SP100: variants seen among roughly 807,000 people sequenced by gnomAD.
SP100 encodes the protein SP100 nuclear body protein.
Under a neutral mutation model 130.0 loss-of-function variants are expected in SP100, and 84 were observed. The observed-to-expected ratio is 0.65, with a 90% CI of 0.54 to 0.77. The LOEUF is 0.77. SP100 is among the 30% of genes least tolerant of loss of function. The probability of loss-of-function intolerance (pLI) is 0.00; values close to 1 mark genes in which losing one functional copy is unlikely to be tolerated. For missense variants in SP100, 978 were observed against 1,052.2 expected (o/e 0.93, Z 0.97); for synonymous variants, 331 against 351.7 (o/e 0.94, Z 0.66).
At chr2:230,527,837 C>T (rs1691502588) in intron 24 of SP100, among the ~76,000 whole-genome samples, 1 of 152,072 alleles carries the variant, frequency 6.6e-6, no homozygotes, top group Non-Finnish European at 1.5e-5. Flanking sequence ...ACAAAGAAGG[C>T]CATTATATAA....
intron 2 of SP100, among the ~76,000 whole-genome samples, chr2:230,435,609 T>G (rs908747406): frequency 3.6e-4 from 55 of 152,214 alleles, no homozygotes; most frequent in African/African-American, 1.1e-3. Flanking sequence ...TATGCAGATT[T>G]GTTACACAGG....
At chr2:230,424,960 G>A (rs1002811376) in intron 2 of SP100, among the ~76,000 whole-genome samples, 2 of 152,064 alleles carry the variant, frequency 1.3e-5, no homozygotes, top group African/African-American at 4.8e-5. Context: ...ATAATTGCTT[G>A]AATTTAAAAG....
chr2:230,450,980 C>T (rs1220333876), intron 8 of SP100, among the ~76,000 whole-genome samples: 1 of 152,028 alleles, frequency 6.6e-6, no homozygotes, highest in Non-Finnish European at 1.5e-5. Context: ...ACAGATGGTC[C>T]CTGATTTATG....
intron 2 of SP100, among the ~76,000 whole-genome samples, chr2:230,431,318 G>A (rs913845894): frequency 2.0e-5 from 3 of 152,354 alleles, no homozygotes; most frequent in Non-Finnish European, 2.9e-5. Flanking sequence ...GGGAAGCTGG[G>A]TGTCCTCCTC....
intron 17 of SP100, among the ~76,000 whole-genome samples, chr2:230,477,282 G>A (rs1298031725): frequency 6.6e-6 from 1 of 151,914 alleles, no homozygotes; most frequent in Non-Finnish European, 1.5e-5. Flanking sequence ...TCCATTTGTT[G>A]TTTTTCTTTT....
intron 8 of SP100, among the ~76,000 whole-genome samples, chr2:230,457,722 G>C (rs977285311): frequency 2.0e-5 from 3 of 152,074 alleles, no homozygotes; most frequent in African/African-American, 7.2e-5. Flanking sequence ...TCTTTCATCT[G>C]GTTTCCTCAG....
intron 14 of SP100, 71 bp downstream of exon 14, chr2:230,469,167 T>C (rs888055557): frequency 3.2e-6 from 3 of 946,172 alleles, no homozygotes; most frequent in Non-Finnish European, 5.0e-6. Flanking sequence ...TCACTTTTTA[T>C]GTTATATCCT....
chr2:230,432,501 G>T (rs756692776), intron 2 of SP100, among the ~76,000 whole-genome samples: 1 of 152,120 alleles, frequency 6.6e-6, no homozygotes, highest in Non-Finnish European at 1.5e-5. Flanking sequence ...ATGTATAAGG[G>T]TTCAAGTTTT....
At chr2:230,423,538 C>A (rs1005045645) in intron 2 of SP100, among the ~76,000 whole-genome samples, 2 of 151,996 alleles carry the variant, frequency 1.3e-5, no homozygotes, top group Admixed American at 1.3e-4. Context: ...TTTCCTAATT[C>A]TTTACTTCTC....
intron 2 of SP100, among the ~76,000 whole-genome samples, chr2:230,436,703 A>G (rs1315336537): frequency 6.6e-6 from 1 of 152,148 alleles, no homozygotes; most frequent in Admixed American, 6.5e-5. Context: ...TCCTTGGTAA[A>G]TTCTTTTTCT....
chr2:230,434,850 G>A (rs13411566), intron 2 of SP100, among the ~76,000 whole-genome samples: 76,188 of 152,032 alleles, frequency 0.5, 19,632 homozygotes, highest in African/African-American at 0.56. Context: ...CAGCAGAGGC[G>A]AGTGTGGCCC....
intron 18 of SP100, among the ~76,000 whole-genome samples, chr2:230,496,219 C>T (rs974695595): frequency 6.6e-6 from 1 of 152,186 alleles, no homozygotes; most frequent in Non-Finnish European, 1.5e-5. Context: ...ATTCCTTCTA[C>T]TTCCTTTTCA....
intron 24 of SP100, among the ~76,000 whole-genome samples, chr2:230,533,641 C>T (rs1691804156): frequency 6.6e-6 from 1 of 152,094 alleles, no homozygotes; most frequent in African/African-American, 2.4e-5. Flanking sequence ...AGACACTGGG[C>T]CAGAAATTAA....
At chr2:230,416,389 T>G in intron 1 of SP100, 61 bp downstream of exon 1, 5 of 1,418,992 alleles carry the variant, frequency 3.5e-6, no homozygotes, top group Non-Finnish European at 5.0e-6. Context: ...CTTTCATGCC[T>G]TTAGTTCAGT....
intron 24 of SP100, among the ~76,000 whole-genome samples, chr2:230,524,368 AAAAGAAAAAG>A (rs1559534698): frequency 1.3e-5 from 2 of 149,426 alleles, no homozygotes; most frequent in African/African-American, 5.0e-5. Context: ...AAAAAAAAAA[AAAAGAAAAAG>A]AAAAGAAAAG....
chr2:230,515,573 AGAAG>A (rs755879200), intron 24 of SP100: 11 of 1,599,776 alleles, frequency 6.9e-6, no homozygotes, highest in Admixed American at 3.5e-5. Context: ...AGCAAGAAAA[AGAAG>A]GAAGAGGAAG....
chr2:230,440,624 A>T, intron 2 of SP100: 1 of 1,314,750 alleles, frequency 7.6e-7, no homozygotes, highest in Non-Finnish European at 9.8e-7. Context: ...ATCTCCCCCA[A>T]ATTTATCTGT....
intron 5 of SP100, 150 bp downstream of exon 5, chr2:230,447,052 G>A (rs2063742757): frequency 3.5e-6 from 2 of 570,884 alleles, no homozygotes; most frequent in Non-Finnish European, 6.3e-6. Flanking sequence ...GCAGGGTCCT[G>A]GAGAAGTGGC....
intron 17 of SP100, among the ~76,000 whole-genome samples, chr2:230,487,273 A>C (rs747333882): frequency 1.3e-5 from 2 of 152,064 alleles, no homozygotes; most frequent in African/African-American, 4.8e-5. Context: ...TGTTTTGCCT[A>C]TGTTTTCTTC....
Sources: allele counts gnomAD v4.1 joint callset (sites outside exome capture counted in the v4.1 genomes callset), GRCh38; gene constraint gnomAD v4.1.1; transcripts MANE v1.5; gene names NCBI Gene and HGNC (gene_info 2026-07-23, HGNC 2026-07-21).